Variants in ATXN8OS observed in about 807,000 individuals in gnomAD.
ATXN8OS encodes the protein ATXN8 opposite strand lncRNA.
intron 4 of ATXN8OS, among the ~76,000 whole-genome samples, chr13:70,162,159 A>G (rs1889017581): frequency 6.6e-6 from 1 of 152,104 alleles, no homozygotes; most frequent in African/African-American, 2.4e-5. Context: ...TCTAATAAGT[A>G]CATACGCTAG....
chr13:70,166,392 C>G (rs981094177), intron 4 of ATXN8OS, among the ~76,000 whole-genome samples: 6 of 151,960 alleles, frequency 3.9e-5, no homozygotes, highest in Admixed American at 2.6e-4. Context: ...TTTGACAAAC[C>G]TGACAAAAAC....
chr13:70,116,158 T>TAA (rs5804476), intron 2 of ATXN8OS, among the ~76,000 whole-genome samples: 1 of 147,340 alleles, frequency 6.8e-6, no homozygotes. Context: ...GTGTATCAGT[T>TAA]AAAAAAAAAA....
At chr13:70,155,261 C>T (rs1366933858) in intron 4 of ATXN8OS, among the ~76,000 whole-genome samples, 1 of 152,198 alleles carries the variant, frequency 6.6e-6, no homozygotes, top group African/African-American at 2.4e-5. Flanking sequence ...GTGGAAGTTT[C>T]TGCTATCTTC....
At chr13:70,155,977 T>A (rs1405086078) in intron 4 of ATXN8OS, among the ~76,000 whole-genome samples, 6 of 152,202 alleles carry the variant, frequency 3.9e-5, no homozygotes, top group African/African-American at 1.4e-4. Flanking sequence ...TATGCCTTTT[T>A]GTTTTATGCT....
intron 1 of ATXN8OS, among the ~76,000 whole-genome samples, chr13:70,112,211 C>A (rs1888206405): frequency 1.3e-5 from 2 of 152,118 alleles, no homozygotes; most frequent in Admixed American, 6.6e-5. Context: ...GACGCCCACC[C>A]TTATGATTCC....
chr13:70,167,163 T>C (rs906707908), intron 4 of ATXN8OS, among the ~76,000 whole-genome samples: 3 of 152,082 alleles, frequency 2.0e-5, no homozygotes, highest in Non-Finnish European at 2.9e-5. Context: ...ATCCCATTAC[T>C]GGGTATATAC....
chr13:70,139,398 G>T (rs935100371), intron 3 of ATXN8OS: 1 of 611,022 alleles, frequency 1.6e-6, no homozygotes, highest in Non-Finnish European at 2.7e-6. Context: ...TGCTGCTGCT[G>T]CTGCTGCTGC....
chr13:70,117,365 A>T (rs1888294938), intron 2 of ATXN8OS, among the ~76,000 whole-genome samples: 1 of 151,990 alleles, frequency 6.6e-6, no homozygotes, highest in South Asian at 2.1e-4. Flanking sequence ...TACAATTATA[A>T]AAATGAAAAA....
chr13:70,145,366 A>C (rs1888767770), intron 3 of ATXN8OS, among the ~76,000 whole-genome samples: 3 of 151,724 alleles, frequency 2.0e-5, no homozygotes, highest in Non-Finnish European at 2.9e-5. Context: ...ACTTTAAAGT[A>C]GTTTTTTCCA....
chr13:70,107,760 G>C, upstream of ATXN8OS: 4 of 1,325,756 alleles, frequency 3.0e-6, no homozygotes, highest in Non-Finnish European at 4.0e-6. Flanking sequence ...GTCAGCAGGT[G>C]GGGGAGGACA....
chr13:70,133,946 A>G (rs1432676200), intron 3 of ATXN8OS, among the ~76,000 whole-genome samples: 1 of 152,238 alleles, frequency 6.6e-6, no homozygotes, highest in African/African-American at 2.4e-5. Context: ...CCTTCCAGAA[A>G]TTAACAAGCT....
intron 4 of ATXN8OS, among the ~76,000 whole-genome samples, chr13:70,161,528 A>G (rs1889008749): frequency 6.6e-6 from 1 of 152,068 alleles, no homozygotes; most frequent in Non-Finnish European, 1.5e-5. Flanking sequence ...ATTTTTTCAG[A>G]ACAACTTTTT....
At position 70,109,428 on chromosome 13, in the gene ATXN8OS, T is replaced by C. The variant is rs79604961; in HGVS notation, n.240+1409T>C. Among the ~76,000 whole-genome samples the C allele has an allele frequency of 3.2e-3, 481 of 152,216 alleles. 7 individuals carry two copies. The highest frequency in any genetic ancestry group is 0.01 in the African/African-American group (430 of 41,542). ...AGTTTCAGTAACCCCCAACAGAGCA[T>C]AGGAATCAACCACTGAAGTGCAGTT... On this transcript the variant is annotated intron_variant and non_coding_transcript_variant, in intron 1 of 4. Transcript: ENST00000678624.
intron 3 of ATXN8OS, among the ~76,000 whole-genome samples, chr13:70,132,770 C>A (rs1359329202): frequency 6.6e-6 from 1 of 152,004 alleles, no homozygotes; most frequent in East Asian, 1.9e-4. Context: ...TTAAATAATT[C>A]AATAATGAAC....
chr13:70,141,667 T>A (rs1222267006), intron 3 of ATXN8OS, among the ~76,000 whole-genome samples: 1 of 152,048 alleles, frequency 6.6e-6, no homozygotes, highest in Admixed American at 6.6e-5. Flanking sequence ...TGTTGTTTTG[T>A]TACTTTTTGC....
chr13:70,133,591 AT>A (rs2137485284), intron 3 of ATXN8OS, among the ~76,000 whole-genome samples: 1 of 152,290 alleles, frequency 6.6e-6, no homozygotes, highest in South Asian at 2.1e-4. Context: ...GGTCCTAATA[AT>A]TTGTGGTAGG....
chr13:70,154,473 G>A (rs182240900), intron 4 of ATXN8OS, among the ~76,000 whole-genome samples: 2 of 152,206 alleles, frequency 1.3e-5, no homozygotes, highest in Admixed American at 1.3e-4. Context: ...AAGTGATTGT[G>A]GAATAATAAA....
chr13:70,125,991 G>T (rs1275244444), intron 2 of ATXN8OS, among the ~76,000 whole-genome samples: 1 of 152,138 alleles, frequency 6.6e-6, no homozygotes, highest in Non-Finnish European at 1.5e-5. Flanking sequence ...AGGAGAAGGG[G>T]CCAAATCATC....
chr13:70,122,761 T>C (rs1387682866), intron 2 of ATXN8OS, among the ~76,000 whole-genome samples: 1 of 151,904 alleles, frequency 6.6e-6, no homozygotes, highest in East Asian at 1.9e-4. Context: ...TTCAAGGAAA[T>C]GACTCAAAGG....
Sources: gnomAD v4.1 joint callset for allele counts (sites outside exome capture counted in the v4.1 genomes callset) on GRCh38, gnomAD v4.1.1 for gene constraint, MANE v1.5 for transcripts, NCBI Gene and HGNC (gene_info 2026-07-23, HGNC 2026-07-21) for gene names.